Variants in PLCZ1 observed in about 807,000 individuals in gnomAD.
PLCZ1 encodes 1-phosphatidylinositol 4,5-bisphosphate phosphodiesterase zeta-1.
PLCZ1 carries 64 observed loss-of-function variants against 76.8 expected under a neutral mutation model. The ratio of observed to expected loss-of-function variants is 0.83; its 90% CI spans 0.68 to 1.03. The LOEUF (loss-of-function observed/expected upper bound fraction) is 1.03. Ranked by LOEUF, PLCZ1 falls within the 50% of genes least tolerant of loss-of-function variation. PLCZ1 has a pLI of 0.00. For missense variants in PLCZ1, 751 were observed against 713.7 expected (o/e 1.05, Z -0.60); for synonymous variants, 248 against 230.8 (o/e 1.07, Z -0.68).
chr12:18,705,085 C>A lies in PLCZ1; in HGVS notation c.864+81G>T, dbSNP rs946907082. 8 of 1,533,416 alleles carry A rather than the reference C, an allele frequency of 5.2e-6. No individual in the cohort carries two copies. In the African/African-American group the frequency reaches 9.6e-5, roughly 18 times the overall value. 95.0% of individuals were successfully genotyped at this position (1,533,416 alleles called of 1,614,324 possible). On this transcript the variant is annotated intron_variant, in intron 7 of 14. Transcript: ENST00000266505. ...CTAAGCATTTTCATTGGTCTCTAGC[C>A]CAGTTTCACAGGCCAATATAACAGT...
the PLCZ1 span, among the ~76,000 whole-genome samples, chr12:18,648,955 T>C: frequency 1.3e-5 from 2 of 152,112 alleles, no homozygotes; most frequent in Non-Finnish European, 2.9e-5. Context: ...TGAAAAAAAA[T>C]CTAAGCTTTT....
chr12:18,671,227 T>C, the PLCZ1 span, among the ~76,000 whole-genome samples: 1 of 151,706 alleles, frequency 6.6e-6, no homozygotes, highest in Non-Finnish European at 1.5e-5. Context: ...GAAAAAGTGC[T>C]ATCTAGTTCC....
chr12:18,663,425 TA>T, the PLCZ1 span, among the ~76,000 whole-genome samples: 2 of 152,058 alleles, frequency 1.3e-5, no homozygotes, highest in Non-Finnish European at 2.9e-5. Context: ...GTGTCAAGCA[TA>T]GGTAATGTAG....
chr12:18,737,553 GT>G (rs1959517030), intron 1 of PLCZ1, 44 bp from the exon 2 acceptor site: 3 of 777,184 alleles, frequency 3.9e-6, no homozygotes, highest in East Asian at 5.4e-5. Flanking sequence ...TTTTGCCTTC[GT>G]TCTTTGAAGC....
chr12:18,676,311 C>T, the PLCZ1 span, among the ~76,000 whole-genome samples: 36 of 152,174 alleles, frequency 2.4e-4, no homozygotes, highest in Admixed American at 8.5e-4. Flanking sequence ...TTTGCTTAAA[C>T]CACCAAGCCA....
chr12:18,729,504 C>A (rs1372678228), intron 3 of PLCZ1, among the ~76,000 whole-genome samples: 2 of 151,972 alleles, frequency 1.3e-5, no homozygotes, highest in African/African-American at 4.8e-5. Flanking sequence ...AGAGTGTCAC[C>A]ACATACTATA....
the PLCZ1 span, among the ~76,000 whole-genome samples, chr12:18,664,212 G>A: frequency 6.6e-6 from 1 of 152,150 alleles, no homozygotes; most frequent in African/African-American, 2.4e-5. Flanking sequence ...GACACAGTTT[G>A]GTGGTTCCTC....
At chr12:18,687,321 G>A (rs910338421) in intron 13 of PLCZ1, among the ~76,000 whole-genome samples, 25 of 152,096 alleles carry the variant, frequency 1.6e-4, no homozygotes, top group Admixed American at 1.3e-4. Flanking sequence ...CATTTGATCT[G>A]GAGCATATTT....
rs11044274 is a variant in PLCZ1, at chr12:18,734,508, G to A, written c.135+1713C>T. ...TGGAATTACAGGCGTGCACTACCACGTCTGGCTAATTTTTGTGTTTTTAGT... is the reference window on the plus strand; with the variant it reads ...TGGAATTACAGGCGTGCACTACCACATCTGGCTAATTTTTGTGTTTTTAGT... On this transcript the variant is annotated intron_variant, in intron 3 of 14. Transcript: ENST00000266505. Among the ~76,000 whole-genome samples the A allele has an allele frequency of 7.3e-3, 1,104 of 152,120 alleles. 12 individuals carry two copies. Among genetic ancestry groups the A allele is most frequent in the African/African-American group, 0.025 (1,054 of 41,490 alleles).
the PLCZ1 span, among the ~76,000 whole-genome samples, chr12:18,675,662 T>C: frequency 6.6e-6 from 1 of 152,112 alleles, no homozygotes; most frequent in African/African-American, 2.4e-5. Flanking sequence ...ATGTGATATA[T>C]ATATCTATAC....
the PLCZ1 span, among the ~76,000 whole-genome samples, chr12:18,647,574 T>C: frequency 6.6e-6 from 1 of 152,130 alleles, no homozygotes; most frequent in African/African-American, 2.4e-5. Flanking sequence ...AAAGGTGAAG[T>C]ATATTTAAAT....
the PLCZ1 span, among the ~76,000 whole-genome samples, chr12:18,649,696 T>C: frequency 2.0e-5 from 3 of 152,200 alleles, no homozygotes; most frequent in Non-Finnish European, 4.4e-5. Context: ...AAAATCACTG[T>C]TGACCTCCAA....
At chr12:18,710,860 C>T (rs1429266152) in intron 6 of PLCZ1, among the ~76,000 whole-genome samples, 9 of 152,004 alleles carry the variant, frequency 5.9e-5, no homozygotes, top group Non-Finnish European at 5.9e-5. Context: ...GTTAGAATGG[C>T]GATCATTAAA....
chr12:18,696,112 T>C (rs1023169185), intron 11 of PLCZ1, 38 bp downstream of exon 11: 37 of 1,078,464 alleles, frequency 3.4e-5, no homozygotes, highest in Non-Finnish European at 4.8e-5. Flanking sequence ...TCATTTTATG[T>C]TACTTCTGCA....
intron 3 of PLCZ1, among the ~76,000 whole-genome samples, chr12:18,726,531 T>A (rs772980242): frequency 6.6e-6 from 1 of 152,124 alleles, no homozygotes; most frequent in African/African-American, 2.4e-5. Context: ...TACTATACGT[T>A]TAAATGAGTG....
At chr12:18,697,960 A>T (rs1208030874) in intron 10 of PLCZ1, among the ~76,000 whole-genome samples, 2 of 152,068 alleles carry the variant, frequency 1.3e-5, no homozygotes, top group Admixed American at 1.3e-4. Flanking sequence ...CTCTACTCAG[A>T]ACTATCTAAT....
At chr12:18,735,269 A>C (rs2150767936) in intron 3 of PLCZ1, among the ~76,000 whole-genome samples, 1 of 152,298 alleles carries the variant, frequency 6.6e-6, no homozygotes, top group South Asian at 2.1e-4. Flanking sequence ...GACCTTATAA[A>C]ATAAAACTGG....
At chr12:18,700,481 A>T (rs938384292) in intron 9 of PLCZ1, among the ~76,000 whole-genome samples, 11 of 130,904 alleles carry the variant, frequency 8.4e-5, no homozygotes, top group Non-Finnish European at 1.4e-4. Context: ...TGGTTCTGGG[A>T]TGTGCGCATA....
chr12:18,734,870 G>C (rs868196991), intron 3 of PLCZ1, among the ~76,000 whole-genome samples: 1 of 152,110 alleles, frequency 6.6e-6, no homozygotes, highest in Non-Finnish European at 1.5e-5. Context: ...AATCTTTTCA[G>C]TTTATTTTAT....
Sources: gnomAD v4.1 joint callset for allele counts (sites outside exome capture counted in the v4.1 genomes callset) on GRCh38, gnomAD v4.1.1 for gene constraint, MANE v1.5 for transcripts, NCBI Gene and HGNC (gene_info 2026-07-23, HGNC 2026-07-21) for gene names.